LOXL1: variants seen among roughly 807,000 people sequenced by gnomAD.
LOXL1 encodes lysyl oxidase homolog 1.
Under a neutral mutation model 62.2 loss-of-function variants are expected in LOXL1, and 31 were observed. The ratio of observed to expected loss-of-function variants is 0.50; its 90% confidence interval spans 0.37 to 0.67. LOXL1 has a LOEUF of 0.67. Among genes scored for constraint, LOXL1 ranks in the 30% least tolerant of loss-of-function variants. LOXL1 has a pLI of 0.00. For missense variants in LOXL1, 775 were observed against 843.4 expected (o/e 0.92, Z 1.00); for synonymous variants, 403 against 384.4 (o/e 1.05, Z -0.56).
intron 2 of LOXL1, among the ~76,000 whole-genome samples, chr15:73,946,024 G>A (rs946479280): frequency 1.3e-5 from 2 of 152,186 alleles, no homozygotes; most frequent in African/African-American, 4.8e-5. Flanking sequence ...GAGCCAAAGT[G>A]CCTGGCCCCC....
Position 73,927,376 on chromosome 15 carries a change from A to T in LOXL1, c.593A>T (p.Tyr198Phe). The change falls in exon 1 of 7, where the codon TAC becomes TTC. Residue 198 changes from tyrosine (Y) to phenylalanine (F), a missense_variant. Tyr to Phe is a conservative substitution (Grantham distance 22). Transcript: ENST00000261921. ...AACTACGACCCCGCGTCGCGGACCTACGACCAGGGTTTCGTGTACTACCGG... is the reference window on the plus strand; with the variant it reads ...AACTACGACCCCGCGTCGCGGACCTTCGACCAGGGTTTCGTGTACTACCGG... Reference protein sequence around the residue: ...YENYDPASRTYDQGFVYYRPA... With the variant: ...YENYDPASRTFDQGFVYYRPA... The T allele has an allele frequency of 1.9e-6, 3 of 1,585,930 alleles. No individual in the cohort carries two copies. Among genetic ancestry groups the T allele is most frequent in the Non-Finnish European group, 2.6e-6 (3 of 1,167,398 alleles).
At position 73,951,609 on chromosome 15, in the gene LOXL1, G is replaced by T. The variant is rs557124952; in HGVS notation, c.1719-222G>T. Reference sequence around the variant, plus strand: ...AAAACAATCTGGGACTAGGGCATGGGGAGGGGAATGTGCTGAGACTGTGCC... The same window carrying T: ...AAAACAATCTGGGACTAGGGCATGGTGAGGGGAATGTGCTGAGACTGTGCC... On this transcript the variant is annotated intron_variant, in intron 6 of 6. Coordinates refer to ENST00000261921, the MANE Select transcript of LOXL1 (RefSeq NM_005576.4). Among the ~76,000 whole-genome samples, 10 of 152,346 alleles carry T rather than the reference G, an allele frequency of 6.6e-5. No individual in the cohort carries two copies. The East Asian group carries it at 1.5e-3, about 24-fold the overall frequency.
intron 5 of LOXL1, 112 bp downstream of exon 5, chr15:73,948,014 G>A (rs932900982): frequency 8.4e-6 from 6 of 718,488 alleles, no homozygotes; most frequent in South Asian, 4.2e-5. Flanking sequence ...CCCAGCTGCC[G>A]AGCAGAGGCA....
At chr15:73,940,513 T>C (rs1370181212) in intron 1 of LOXL1, among the ~76,000 whole-genome samples, 1 of 151,808 alleles carries the variant, frequency 6.6e-6, no homozygotes, top group African/African-American at 2.4e-5. Flanking sequence ...CAAACAGAAA[T>C]GAGACTGAGA....
intron 3 of LOXL1, 107 bp downstream of exon 3, chr15:73,946,661 C>T: frequency 7.4e-7 from 1 of 1,355,948 alleles, no homozygotes; most frequent in Non-Finnish European, 1.0e-6. Flanking sequence ...GACACAGATA[C>T]TGGATTAGAG....
intron 1 of LOXL1, among the ~76,000 whole-genome samples, chr15:73,939,392 G>A (rs66497556): frequency 0.24 from 36,063 of 152,076 alleles, 4,482 homozygotes; most frequent in East Asian, 0.33. Flanking sequence ...CAGCTTCCCC[G>A]AGCTGCTGCC....
chr15:73,927,805 C>A lies in LOXL1; in HGVS notation c.1022C>A (p.Pro341Gln). 1 of 1,373,596 alleles carries A rather than the reference C, an allele frequency of 7.3e-7. No homozygotes were observed. The highest frequency in any genetic ancestry group is 9.3e-7 in the Non-Finnish European group (1 of 1,072,302). 85.1% of individuals were successfully genotyped at this position (1,373,596 alleles called of 1,614,324 possible). The change falls in exon 1 of 7, where the codon CCG becomes CAG. Residue 341 changes from proline (P) to glutamine (Q), a missense_variant. By Grantham distance (76) the Pro-to-Gln change is moderately conservative (BLOSUM62 -1). Coordinates refer to ENST00000261921, the MANE Select transcript of LOXL1 (RefSeq NM_005576.4). ...YLPVRSSDTP[P>Q]PGGERNGAQQ... is the part of the protein sequence containing the mutation. The stretch of plus-strand genomic sequence containing the variant: ...CCGGTGCGCAGCTCCGACACGCCCC[C>A]GCCGGGTGGGGAGCGGAACGGCGCG...
At chr15:73,938,711 G>A (rs887073502) in intron 1 of LOXL1, among the ~76,000 whole-genome samples, 7 of 152,092 alleles carry the variant, frequency 4.6e-5, no homozygotes, top group African/African-American at 7.2e-5. Flanking sequence ...CCTGTATTTG[G>A]AGTAAGCAAA....
At chr15:73,944,817 CAT>C (rs2068737027) in intron 2 of LOXL1, among the ~76,000 whole-genome samples, 7 of 152,202 alleles carry the variant, frequency 4.6e-5, no homozygotes, top group Admixed American at 4.6e-4. Flanking sequence ...TCAACCCAGA[CAT>C]AGACAGATTC....
chr15:73,929,383 T>G (rs953530519), intron 1 of LOXL1, among the ~76,000 whole-genome samples: 5 of 152,368 alleles, frequency 3.3e-5, no homozygotes, highest in Admixed American at 3.3e-4. Flanking sequence ...CCTCAGCCTC[T>G]GTCAGCAGAG....
At chr15:73,951,336 A>T (rs543211914) in intron 6 of LOXL1, among the ~76,000 whole-genome samples, 2 of 152,176 alleles carry the variant, frequency 1.3e-5, no homozygotes, top group Admixed American at 1.3e-4. Context: ...AGAGCTCTTT[A>T]CATAAGTGCT....
At chr15:73,946,681 A>T (rs749798316) in intron 3 of LOXL1, 127 bp downstream of exon 3, 48 of 1,145,880 alleles carry the variant, frequency 4.2e-5, no homozygotes, top group Non-Finnish European at 5.7e-5. Context: ...GGGCCCGGGG[A>T]GGTGTTACCT....
intron 3 of LOXL1, among the ~76,000 whole-genome samples, chr15:73,946,808 G>C (rs2068750877): frequency 6.6e-6 from 1 of 152,266 alleles, no homozygotes; most frequent in South Asian, 2.1e-4. Flanking sequence ...AGAATACAGG[G>C]CATTGCCCAG....
intron 5 of LOXL1, among the ~76,000 whole-genome samples, chr15:73,948,737 T>C (rs953155778): frequency 6.6e-6 from 1 of 152,164 alleles, no homozygotes; most frequent in Admixed American, 6.5e-5. Context: ...GTCCAGTATA[T>C]TTTTTCTTTT....
chr15:73,936,098 A>T (rs1214494288), intron 1 of LOXL1, among the ~76,000 whole-genome samples: 2 of 152,034 alleles, frequency 1.3e-5, no homozygotes, highest in African/African-American at 2.4e-5. Flanking sequence ...GAGTTCTGGA[A>T]GGCTAGGTAA....
intron 2 of LOXL1, among the ~76,000 whole-genome samples, chr15:73,943,253 G>A (rs1302141090): frequency 1.3e-5 from 2 of 152,228 alleles, no homozygotes; most frequent in African/African-American, 2.4e-5. Context: ...TGAAGGCATG[G>A]GTTACCCCCT....
In LOXL1 at chr15:73,938,315, C is replaced by CTATCTATCTAGA. The variant is rs748345626; in HGVS notation, c.1103-4537_1103-4536insTCTATCTAGATA. On this transcript the variant is annotated intron_variant, in intron 1 of 6. Coordinates refer to ENST00000261921, the MANE Select transcript of LOXL1 (RefSeq NM_005576.4). ...TCTATCTATCTATCTATCTATCTAT[C>CTATCTATCTAGA]TAGGTAGATAGATAGAACAGGAGGC... Among the ~76,000 whole-genome samples the CTATCTATCTAGA allele has an allele frequency of 4.1e-3, 569 of 140,258 alleles. 2 individuals carry two copies. The highest frequency in any genetic ancestry group is 0.017 in the South Asian group (78 of 4,658). 92.0% of individuals were successfully genotyped at this position (140,258 alleles called of 152,430 possible).
In LOXL1 at chr15:73,945,671, G is replaced by C. The variant is rs1317582935; in HGVS notation, c.1212-746G>C. On this transcript the variant is annotated intron_variant, in intron 2 of 6. Coordinates refer to ENST00000261921, the MANE Select transcript of LOXL1 (RefSeq NM_005576.4). This position sits in a 1 kb window ranked among gnomAD's most constrained non-coding sequence, Gnocchi z 4.3. ...TACTTTGGTCAACAATTAGGGCTCT[G>C]TCTTGTTGTCAGAGACTTATCAGAA... Among the ~76,000 whole-genome samples the C allele has an allele frequency of 6.6e-6, 1 of 152,018 alleles. No homozygotes were observed. The highest frequency in any genetic ancestry group is 6.6e-5 in the Admixed American group (1 of 15,266).
intron 1 of LOXL1, among the ~76,000 whole-genome samples, chr15:73,939,276 C>T (rs937478864): frequency 5.9e-5 from 9 of 152,182 alleles, no homozygotes; most frequent in African/African-American, 2.2e-4. Context: ...CCTGGAAAAA[C>T]ATACCAGCTA....
Sources: gnomAD v4.1 joint callset for allele counts (sites outside exome capture counted in the v4.1 genomes callset) on GRCh38, gnomAD v4.1.1 for gene constraint, Gnocchi (gnomAD v3.1) non-coding constraint, MANE v1.5 for transcripts, NCBI Gene and HGNC (gene_info 2026-07-23, HGNC 2026-07-21) for gene names.